The following ASIC2 variants were observed in gnomAD, a reference collection of about 807,000 sequenced individuals.
ASIC2 encodes acid-sensing ion channel 2.
In ASIC2, 25 loss-of-function variants were observed where a neutral mutation model predicts 57.3. The observed-to-expected ratio is 0.44, with a 90% confidence interval of 0.32 to 0.61. The LOEUF is 0.61. Ranked by LOEUF, ASIC2 falls within the 20% of genes least tolerant of loss-of-function variation. The probability of loss-of-function intolerance (pLI) is 0.06; values close to 1 mark genes in which losing one functional copy is unlikely to be tolerated. For missense variants in ASIC2, 641 were observed against 738.1 expected (o/e 0.87, Z 1.52); for synonymous variants, 319 against 307.5 (o/e 1.04, Z -0.39).
chr17:33,126,856 C>CTT (rs1159710708), intron 1 of ASIC2, among the ~76,000 whole-genome samples: 17,960 of 85,198 alleles, frequency 0.21, 2,779 homozygotes, highest in East Asian at 0.33. Context: ...TACCATTACT[C>CTT]TTTTTTTTTT....
intron 1 of ASIC2, among the ~76,000 whole-genome samples, chr17:33,817,137 C>G (rs1912607097): frequency 1.3e-5 from 2 of 152,158 alleles, no homozygotes; most frequent in Admixed American, 6.5e-5. Flanking sequence ...TCATTGGACT[C>G]TGGGCATCCG....
rs9914685 is a variant in ASIC2 at position 33,579,812 on chromosome 17, G to A, written c.556-467745C>T. Among the ~76,000 whole-genome samples the A allele has an allele frequency of 7.9e-3, 1,198 of 151,710 alleles. 10 individuals are homozygous for A. The highest frequency in any genetic ancestry group is 0.023 in the African/African-American group (951 of 41,380). On this transcript the variant is annotated intron_variant, in intron 1 of 9. Transcript: ENST00000359872. Reference sequence around the variant, plus strand: ...ACCACACCGTGAAAAACACCCCTTGGATTTCGGCGTCTGGCTCGGGTGGGC... The same window carrying A: ...ACCACACCGTGAAAAACACCCCTTGAATTTCGGCGTCTGGCTCGGGTGGGC...
chr17:33,962,724 C>T (rs1230333995), intron 1 of ASIC2, among the ~76,000 whole-genome samples: 1 of 152,184 alleles, frequency 6.6e-6, no homozygotes, highest in Non-Finnish European at 1.5e-5. Flanking sequence ...GTCTAGTTTT[C>T]TTCGAAGTGC....
intron 1 of ASIC2, among the ~76,000 whole-genome samples, chr17:33,462,707 A>T (rs895804858): frequency 6.6e-6 from 1 of 152,250 alleles, no homozygotes; most frequent in African/African-American, 2.4e-5. Flanking sequence ...GGTAAGTATG[A>T]TCTATAAGTA....
intron 1 of ASIC2, among the ~76,000 whole-genome samples, chr17:34,015,217 C>G (rs1906909669): frequency 6.6e-6 from 1 of 152,020 alleles, no homozygotes; most frequent in Admixed American, 6.6e-5. Context: ...CCTATCCCCG[C>G]TCTTCATCTT....
chr17:33,074,136 T>C (rs2092080192), intron 3 of ASIC2, among the ~76,000 whole-genome samples: 1 of 152,192 alleles, frequency 6.6e-6, no homozygotes, highest in African/African-American at 2.4e-5. Context: ...CAGAGAGTTA[T>C]ATAGAGAGAA....
chr17:33,385,363 A>G (rs965550904), intron 1 of ASIC2, among the ~76,000 whole-genome samples: 3 of 151,446 alleles, frequency 2.0e-5, no homozygotes, highest in African/African-American at 7.3e-5. Flanking sequence ...TCCTGAGTGA[A>G]CCCCACCATT....
intron 1 of ASIC2, among the ~76,000 whole-genome samples, chr17:33,507,717 C>T (rs930836192): frequency 8.5e-5 from 13 of 152,188 alleles, no homozygotes; most frequent in African/African-American, 2.4e-4. Context: ...GCTTGGCTAA[C>T]GTGGTGAAAC....
At chr17:34,091,888 G>T (rs1910346431) in intron 1 of ASIC2, among the ~76,000 whole-genome samples, 1 of 152,138 alleles carries the variant, frequency 6.6e-6, no homozygotes, top group Non-Finnish European at 1.5e-5. Flanking sequence ...CTTGAGCAAG[G>T]TATTTATTTT....
chr17:33,996,714 G>C (rs1906172747), intron 1 of ASIC2, among the ~76,000 whole-genome samples: 1 of 152,192 alleles, frequency 6.6e-6, no homozygotes. Flanking sequence ...CATTGGTTTA[G>C]ATGTTTGTTT....
At chr17:33,465,147 A>G (rs777753847) in intron 1 of ASIC2, among the ~76,000 whole-genome samples, 1 of 152,146 alleles carries the variant, frequency 6.6e-6, no homozygotes, top group Non-Finnish European at 1.5e-5. Context: ...GCCATATTTC[A>G]TGCTGGCTTC....
chr17:33,510,944 G>A (rs772077571), intron 1 of ASIC2, among the ~76,000 whole-genome samples: 11 of 152,206 alleles, frequency 7.2e-5, no homozygotes, highest in South Asian at 4.1e-4. Context: ...CAGTAAGGCC[G>A]TAGAGTCTGT....
chr17:33,852,909 G>T (rs953150655), intron 1 of ASIC2, among the ~76,000 whole-genome samples: 1 of 152,106 alleles, frequency 6.6e-6, no homozygotes, highest in Non-Finnish European at 1.5e-5. Flanking sequence ...ACTCCAGAAT[G>T]CAGTACCAAC....
chr17:33,110,049 C>CTGTG (rs5820017), intron 2 of ASIC2, among the ~76,000 whole-genome samples: 1,856 of 149,598 alleles, frequency 0.012, 44 homozygotes, highest in African/African-American at 0.039. Flanking sequence ...ATGTGTGTGT[C>CTGTG]TGTGTGTGTG....
chr17:33,263,162 T>G (rs1219629256), intron 1 of ASIC2, among the ~76,000 whole-genome samples: 1 of 152,198 alleles, frequency 6.6e-6, no homozygotes, highest in Non-Finnish European at 1.5e-5. Flanking sequence ...TTTATTTATA[T>G]GTACACCGCC....
At chr17:33,585,630 C>T (rs1162531621) in intron 1 of ASIC2, among the ~76,000 whole-genome samples, 1 of 152,074 alleles carries the variant, frequency 6.6e-6, no homozygotes, top group African/African-American at 2.4e-5. Context: ...GAGTTGGTTG[C>T]AATATGGGAA....
chr17:33,941,800 AT>A (rs1465537801), intron 1 of ASIC2, among the ~76,000 whole-genome samples: 19 of 152,336 alleles, frequency 1.2e-4, no homozygotes, highest in African/African-American at 4.6e-4. Context: ...AGGTTTGCTC[AT>A]GGCTGGAGTC....
At chr17:33,660,081 G>A (rs1258318666) in intron 1 of ASIC2, among the ~76,000 whole-genome samples, 1 of 151,342 alleles carries the variant, frequency 6.6e-6, no homozygotes, top group African/African-American at 2.4e-5. Flanking sequence ...AGACTCTGTC[G>A]CAAAAAACAA....
intron 3 of ASIC2, among the ~76,000 whole-genome samples, chr17:33,085,377 C>T (rs2092130661): frequency 6.6e-6 from 1 of 152,152 alleles, no homozygotes; most frequent in African/African-American, 2.4e-5. Context: ...ATCCTTATTT[C>T]AGAAATGTTA....
Sources: gnomAD v4.1 joint callset for allele counts (sites outside exome capture counted in the v4.1 genomes callset) on GRCh38, gnomAD v4.1.1 for gene constraint, MANE v1.5 for transcripts, NCBI Gene and HGNC (gene_info 2026-07-23, HGNC 2026-07-21) for gene names.